USP13: variants seen among roughly 807,000 people sequenced by gnomAD.
USP13 encodes ubiquitin carboxyl-terminal hydrolase 13.
Under a neutral mutation model 107.8 loss-of-function variants are expected in USP13, and 68 were observed. The observed-to-expected ratio is 0.63, with a 90% CI of 0.52 to 0.77. The LOEUF (loss-of-function observed/expected upper bound fraction) is 0.77, where lower values mean the gene tolerates loss of function less well. USP13 is among the 30% of genes least tolerant of loss of function. The pLI, the probability that USP13 is intolerant of heterozygous loss-of-function variation, is 0.00. For synonymous variants in USP13, 377 were observed against 389.5 expected (o/e 0.97, Z 0.38); for missense variants, 945 against 1,093.3 (o/e 0.86, Z 1.91).
At chr3:179,775,075 T>C (rs1576993874) in intron 19 of USP13, among the ~76,000 whole-genome samples, 1 of 151,198 alleles carries the variant, frequency 6.6e-6, no homozygotes, top group Non-Finnish European at 1.5e-5. Flanking sequence ...GCATTTACAA[T>C]CCTTTAGCTA....
rs1576979320 is a variant in USP13 at position 179,754,817 on chromosome 3, C to T, written c.1884C>T (p.Asp628=). 6.2e-6 allele frequency: 10 copies of T among 1,613,090 alleles called. No individual in the cohort carries two copies. The highest frequency in any genetic ancestry group is 8.5e-6 in the Non-Finnish European group (10 of 1,179,650). ...AGCCAGGAGAGGAAGAACTTCCAGA[C>T]ATCAGCCCCCCCATAGTCATTCCTG... ...GLQPGEEELP[D]ISPPIVIPDD... The change falls in exon 15 of 21, where the codon GAC becomes GAT. Residue 628 remains aspartate, a synonymous_variant. Transcript: ENST00000263966.
chr3:179,726,134 A>T lies in USP13; in HGVS notation c.1089-4055A>T, dbSNP rs562828411. Among the ~76,000 whole-genome samples, 5 of 152,270 alleles carry T rather than the reference A, an allele frequency of 3.3e-5. No individual in the cohort carries two copies. The East Asian group carries it at 9.6e-4, about 29-fold the overall frequency. ...GGGTGGGGGCGGCCCCTCTTGTTTT[A>T]TCTGAGGGTCTCGGGAGGCGACTTG... is the stretch of plus-strand genomic sequence containing the variant. On this transcript the variant is annotated intron_variant, in intron 8 of 20. Transcript: ENST00000263966.
Position 179,721,224 on chromosome 3 carries a change from A to G in USP13, c.901-178A>G, listed in dbSNP as rs534376417. Among the ~76,000 whole-genome samples the G allele has an allele frequency of 6.6e-6, 1 of 152,268 alleles. No homozygotes were observed. The highest frequency in any genetic ancestry group is 1.5e-5 in the Non-Finnish European group (1 of 68,016). ...CAGTTCTCTGGCATTATGTACATTC[A>G]CTTTGTTGTGCCACCATCACCGTCT... On this transcript the variant is annotated intron_variant, in intron 7 of 20. Transcript: ENST00000263966. The surrounding 1 kb of genome is among the most constrained non-coding windows in gnomAD (Gnocchi z 4.3).
At chr3:179,674,552 C>G (rs968489638) in intron 1 of USP13, among the ~76,000 whole-genome samples, 1 of 152,004 alleles carries the variant, frequency 6.6e-6, no homozygotes, top group Non-Finnish European at 1.5e-5. Context: ...CTTAACTCCT[C>G]TATTTGGGGC....
intron 13 of USP13, among the ~76,000 whole-genome samples, chr3:179,748,348 T>C (rs1223657078): frequency 6.6e-6 from 1 of 152,218 alleles, no homozygotes; most frequent in African/African-American, 2.4e-5. Flanking sequence ...CAAATATTAG[T>C]TTTGAGAAAA....
intron 17 of USP13, among the ~76,000 whole-genome samples, chr3:179,762,810 AC>A (rs1460403970): frequency 2.6e-5 from 4 of 152,232 alleles, no homozygotes; most frequent in African/African-American, 4.8e-5. Context: ...TTGAGGAACG[AC>A]CAAACTGTTT....
At chr3:179,693,661 T>A (rs1353727626) in intron 3 of USP13, among the ~76,000 whole-genome samples, 1 of 152,158 alleles carries the variant, frequency 6.6e-6, no homozygotes, top group Non-Finnish European at 1.5e-5. Flanking sequence ...AAAACACTAG[T>A]AACTTTGTTT....
At chr3:179,755,352 T>G (rs534716705) in intron 15 of USP13, among the ~76,000 whole-genome samples, 1 of 152,226 alleles carries the variant, frequency 6.6e-6, no homozygotes, top group African/African-American at 2.4e-5. Context: ...TGGAGTGCAG[T>G]GGCACGATCT....
chr3:179,780,506 A>G (rs760526591), intron 19 of USP13, among the ~76,000 whole-genome samples: 37 of 152,154 alleles, frequency 2.4e-4, no homozygotes, highest in African/African-American at 3.6e-4. Flanking sequence ...GATATCAGCC[A>G]GAGAGAGAAA....
rs770471212 is a variant in USP13 at position 179,757,080 on chromosome 3, T to A, written c.1948+2T>A. On this transcript the variant is annotated splice_donor_variant, in intron 16 of 20. Coordinates refer to ENST00000263966, the MANE Select transcript of USP13 (RefSeq NM_003940.3). LOFTEE classifies it high-confidence loss of function. ...GCCTGATGAACCAATTGATAGACCG[T>A]ATGTATCTTTAAAAATGTTTCTCAA... is the stretch of plus-strand genomic sequence containing the variant. The A allele has an allele frequency of 6.2e-7, 1 of 1,613,782 alleles. No homozygotes were observed. The highest frequency in any genetic ancestry group is 1.1e-5 in the South Asian group (1 of 91,044).
chr3:179,743,922 A>C (rs78811655), intron 12 of USP13, among the ~76,000 whole-genome samples: 1,161 of 104,892 alleles, frequency 0.011, 10 homozygotes, highest in South Asian at 0.029. Context: ...CTGATAAATA[A>C]GGAGTTTTTT....
intron 19 of USP13, among the ~76,000 whole-genome samples, chr3:179,767,146 C>T (rs1217083605): frequency 6.6e-6 from 1 of 152,190 alleles, no homozygotes; most frequent in Non-Finnish European, 1.5e-5. Flanking sequence ...CTTCCTAGAT[C>T]CTTGTCATAA....
At chr3:179,680,859 T>C (rs1461553080) in intron 1 of USP13, among the ~76,000 whole-genome samples, 3 of 98,870 alleles carry the variant, frequency 3.0e-5, no homozygotes, top group Admixed American at 1.0e-4. Flanking sequence ...TTATAGTTTA[T>C]TCATGAATAC....
At chr3:179,753,709 T>C (rs552563727) in intron 14 of USP13, among the ~76,000 whole-genome samples, 1 of 152,354 alleles carries the variant, frequency 6.6e-6, no homozygotes, top group South Asian at 2.1e-4. Context: ...CTTTGGGTTG[T>C]TGTTTTAAAG....
chr3:179,745,706 G>T (rs1025452140), intron 13 of USP13, among the ~76,000 whole-genome samples: 2 of 152,076 alleles, frequency 1.3e-5, no homozygotes, highest in Non-Finnish European at 2.9e-5. Flanking sequence ...AAACTCCATT[G>T]TGCTATATTT....
intron 19 of USP13, among the ~76,000 whole-genome samples, chr3:179,776,878 T>TTC (rs1560084210): frequency 6.7e-6 from 1 of 148,476 alleles, no homozygotes; most frequent in Non-Finnish European, 1.5e-5. Context: ...TTTTTTTTTT[T>TTC]TTTTTGGGAG....
intron 3 of USP13, 90 bp downstream of exon 3, chr3:179,690,391 G>A (rs901156998): frequency 5.0e-6 from 6 of 1,191,244 alleles, no homozygotes; most frequent in East Asian, 2.4e-5. Context: ...AGAGTAATAG[G>A]TTGTTTATTG....
chr3:179,744,515 G>A (rs927838639), intron 12 of USP13, among the ~76,000 whole-genome samples: 1 of 152,212 alleles, frequency 6.6e-6, no homozygotes, highest in African/African-American at 2.4e-5. Flanking sequence ...CTGTTGGGTT[G>A]TGGAGGGAGT....
At position 179,784,987 on chromosome 3, in the gene USP13, G is replaced by A. The variant is rs1715876253; in HGVS notation, c.*846G>A. ...GCTGTCAAGAATTCACTTGGGTTTG[G>A]GACATTTGCTGGTGTAATGCTAGAT... is the stretch of plus-strand genomic sequence containing the variant. On this transcript the variant is annotated 3_prime_UTR_variant, in exon 21 of 21. Transcript: ENST00000263966. 6.6e-6 allele frequency: 1 copy of A among 152,180 alleles called. No individual in the cohort carries two copies. The highest frequency in any genetic ancestry group is 1.5e-5 in the Non-Finnish European group (1 of 68,026). 9.4% of individuals were successfully genotyped at this position (152,180 alleles called of 1,614,324 possible). A position where few individuals can be genotyped will look rare whatever the true frequency, so the allele number is the denominator to read the frequency against.
Sources: gnomAD v4.1 joint callset for allele counts (sites outside exome capture counted in the v4.1 genomes callset) on GRCh38, gnomAD v4.1.1 for gene constraint, Gnocchi (gnomAD v3.1) non-coding constraint, MANE v1.5 for transcripts, NCBI Gene and HGNC (gene_info 2026-07-23, HGNC 2026-07-21) for gene names.